The following CCDC57 variants were observed in gnomAD, a reference collection of about 807,000 sequenced individuals.
CCDC57 encodes the protein coiled-coil domain-containing protein 57.
Under a neutral mutation model 118.9 loss-of-function variants are expected in CCDC57, and 118 were observed. That is an observed-to-expected ratio of 0.99 (90% CI 0.86 to 1.16). The LOEUF is 1.16. Among genes scored for constraint, CCDC57 ranks in the 50% most tolerant of loss-of-function variants. CCDC57 has a pLI of 0.00. For missense variants in CCDC57, 1,300 were observed against 1,320.7 expected, an observed-to-expected ratio of 0.98 and a Z score of 0.24; for synonymous variants, 527 against 532.9, an observed-to-expected ratio of 0.99 and a Z score of 0.15.
At chr17:82,181,161 C>T (rs2046164836) in intron 9 of CCDC57, among the ~76,000 whole-genome samples, 1 of 152,226 alleles carries the variant, frequency 6.6e-6, no homozygotes, top group South Asian at 2.1e-4. Context: ...GGGATCTGTG[C>T]AGGGATCCCC....
At chr17:82,151,847 G>A in intron 15 of CCDC57, 74 bp from the exon 15 acceptor site, 2 of 1,328,816 alleles carry the variant, frequency 1.5e-6, no homozygotes, top group Non-Finnish European at 2.1e-6. Context: ...GCCCACCCAA[G>A]GAGCCTCTTC....
intron 18 of CCDC57, 142 bp downstream of exon 17, chr17:82,128,351 A>G (rs2037789948): frequency 7.8e-6 from 5 of 639,878 alleles, no homozygotes; most frequent in Admixed American, 2.9e-5. Context: ...TCACCCTGCC[A>G]TTGTGAGCAG....
chr17:82,164,739 C>T (rs193282497), intron 13 of CCDC57, among the ~76,000 whole-genome samples: 2 of 152,042 alleles, frequency 1.3e-5, no homozygotes, highest in East Asian at 3.9e-4. Context: ...AAAGAAAATC[C>T]AAATGTCCTA....
At chr17:82,139,660 C>T (rs1307880463) in intron 16 of CCDC57, among the ~76,000 whole-genome samples, 1 of 118,454 alleles carries the variant, frequency 8.4e-6, no homozygotes, top group African/African-American at 2.9e-5. Context: ...CCAGCCCCAT[C>T]CACGATTTTT....
intron 19 of CCDC57, among the ~76,000 whole-genome samples, chr17:82,119,759 A>G (rs963702084): frequency 2.0e-5 from 3 of 151,584 alleles, no homozygotes; most frequent in Admixed American, 6.6e-5. Context: ...GAAGGGAGGG[A>G]GATGAGGCTG....
At chr17:82,199,550 G>A (rs2048748967) in intron 3 of CCDC57, among the ~76,000 whole-genome samples, 1 of 150,990 alleles carries the variant, frequency 6.6e-6, no homozygotes. Context: ...TTGGAGAGAA[G>A]AATGAGCAAA....
At chr17:82,188,342 A>G (rs1410502650) in exon 8 of CCDC57, 1 of 1,610,084 alleles carries the variant, frequency 6.2e-7, no homozygotes, top group Non-Finnish European at 8.5e-7. Flanking sequence ...CAGCTCCTGC[A>G]GCTGCTCCAC....
chr17:82,146,609 T>C (rs1407829492), intron 16 of CCDC57, among the ~76,000 whole-genome samples: 1 of 152,168 alleles, frequency 6.6e-6, no homozygotes, highest in Non-Finnish European at 1.5e-5. Flanking sequence ...GTATGTTTGG[T>C]ATAATCAAAG....
At chr17:82,117,804 G>A (rs1048163043) in intron 19 of CCDC57, among the ~76,000 whole-genome samples, 2 of 152,190 alleles carry the variant, frequency 1.3e-5, no homozygotes, top group Non-Finnish European at 2.9e-5. Flanking sequence ...GAGGAAAGGT[G>A]CCTCACGCCT....
At position 82,128,599 on chromosome 17, in the gene CCDC57, T is replaced by C. The variant is rs2145268106; in HGVS notation, c.2578-2A>G. 1.3e-6 allele frequency: 2 copies of C among 1,557,342 alleles called. No homozygotes were observed. Among genetic ancestry groups the C allele is most frequent in the Non-Finnish European group, 1.7e-6 (2 of 1,149,636 alleles). ...CTCATCCTCGGCACTCTTGGCGTCC[T>C]GCCGTGGGGATTTAAATGAGAGGAC... On this transcript the variant is annotated splice_acceptor_variant, in intron 17 of 19. Coordinates refer to ENST00000665763, the Ensembl canonical transcript of CCDC57. LOFTEE classifies it high-confidence loss of function.
intron 16 of CCDC57, among the ~76,000 whole-genome samples, chr17:82,151,191 A>AACTTG (rs2041984879): frequency 1.4e-5 from 2 of 140,910 alleles, no homozygotes; most frequent in Non-Finnish European, 1.5e-5. Flanking sequence ...GCACACCCAG[A>AACTTG]ACCAGGCGCA....
At chr17:82,183,386 T>G (rs1487252187) in intron 9 of CCDC57, among the ~76,000 whole-genome samples, 1 of 152,132 alleles carries the variant, frequency 6.6e-6, no homozygotes, top group East Asian at 1.9e-4. Context: ...GGTCTCACTA[T>G]GTTAACCAGG....
At position 82,200,076 on chromosome 17, in the gene CCDC57, G is replaced by C. The variant is rs553909147; in HGVS notation, c.407+1462C>G. Among the ~76,000 whole-genome samples, 3 of 152,348 alleles carry C rather than the reference G, an allele frequency of 2.0e-5. No homozygotes were observed. The East Asian group carries it at 5.8e-4, about 29-fold the overall frequency. On this transcript the variant is annotated intron_variant, in intron 3 of 19. Coordinates refer to ENST00000665763, the Ensembl canonical transcript of CCDC57. Reference sequence around the variant, plus strand: ...AATACTGGTTGGGGCTTCTGAGCTAGAGGGGCACCACACCCACCAATGTGG... The same window carrying C: ...AATACTGGTTGGGGCTTCTGAGCTACAGGGGCACCACACCCACCAATGTGG...
rs1265659370 is a variant in CCDC57, at chr17:82,172,951, C to T, written c.1507-91G>A. 4 of 1,167,550 alleles carry T rather than the reference C, an allele frequency of 3.4e-6. No individual in the cohort carries two copies. The highest frequency in any genetic ancestry group is 5.0e-6 in the Non-Finnish European group (4 of 807,242). 72.3% of individuals were successfully genotyped at this position (1,167,550 alleles called of 1,614,324 possible). ...GTGCCTCCGCTCTCCCCGCGCCCCT[C>T]TCGGGCCGGTCCCCCGCTTCAGCTT... On this transcript the variant is annotated intron_variant, in intron 11 of 19. Coordinates refer to ENST00000665763, the Ensembl canonical transcript of CCDC57. This position sits in a 1 kb window ranked among gnomAD's most constrained non-coding sequence, Gnocchi z 5.2.
At chr17:82,149,690 G>C (rs55638685) in intron 16 of CCDC57, among the ~76,000 whole-genome samples, 36,991 of 151,904 alleles carry the variant, frequency 0.24, 5,281 homozygotes, top group Non-Finnish European at 0.33. Flanking sequence ...TCCTGAGAAG[G>C]CTGCGTCCAG....
chr17:82,163,326 C>A (rs544791623), exon 14 of CCDC57: 9 of 1,613,688 alleles, frequency 5.6e-6, no homozygotes, highest in Non-Finnish European at 7.6e-6. Context: ...CTTGGACAGA[C>A]CCTCCGGCTT....
chr17:82,178,137 C>T (rs1422326913), intron 11 of CCDC57, among the ~76,000 whole-genome samples: 3 of 152,230 alleles, frequency 2.0e-5, no homozygotes, highest in Admixed American at 1.3e-4. Context: ...CACTGCTCAA[C>T]AAAATCAGGA....
chr17:82,205,533 C>T (rs1285152268), intron 2 of CCDC57, among the ~76,000 whole-genome samples: 1 of 152,246 alleles, frequency 6.6e-6, no homozygotes, highest in Admixed American at 6.5e-5. Context: ...AGGCCCAGAG[C>T]AGCCTTTATC....
At chr17:82,116,210 G>T (rs1169813102) in intron 19 of CCDC57, among the ~76,000 whole-genome samples, 1 of 150,838 alleles carries the variant, frequency 6.6e-6, no homozygotes, top group Non-Finnish European at 1.5e-5. Flanking sequence ...GCATTAACAT[G>T]GGACACCCTT....
Sources: allele counts gnomAD v4.1 joint callset (sites outside exome capture counted in the v4.1 genomes callset), GRCh38; gene constraint gnomAD v4.1.1; non-coding constraint Gnocchi (gnomAD v3.1); transcripts MANE v1.5; gene names NCBI Gene and HGNC (gene_info 2026-07-23, HGNC 2026-07-21).